Variants in SHQ1 observed in about 807,000 individuals in gnomAD.
SHQ1 encodes protein SHQ1 homolog.
In SHQ1, 49 loss-of-function variants were observed where a neutral mutation model predicts 53.8. The ratio of observed to expected loss-of-function variants is 0.91; its 90% confidence interval spans 0.72 to 1.16. The LOEUF (loss-of-function observed/expected upper bound fraction) is 1.16. Ranked by LOEUF, SHQ1 falls within the 50% of genes most tolerant of loss-of-function variation. The pLI is 0.00. For missense variants in SHQ1, 738 were observed against 683.1 expected (o/e 1.08, Z -0.90); for synonymous variants, 243 against 251.0 (o/e 0.97, Z 0.30).
downstream of SHQ1, among the ~76,000 whole-genome samples, chr3:72,749,095 C>A (rs1291900577): frequency 6.6e-6 from 1 of 152,158 alleles, no homozygotes; most frequent in Non-Finnish European, 1.5e-5. Context: ...CAATAACCAT[C>A]ATGTGGAAGA....
chr3:72,812,660 T>G lies in SHQ1; in HGVS notation c.1060+11A>C. 6.2e-7 allele frequency: 1 copy of G among 1,613,124 alleles called. No individual in the cohort carries two copies. On this transcript the variant is annotated intron_variant, in intron 9 of 10. Transcript: ENST00000325599. Reference sequence around the variant, plus strand: ...TTCCCTCCCAAATTTGCAAGTACAGTAATATCTTACCCAGTTGCAATATCT... The same window carrying G: ...TTCCCTCCCAAATTTGCAAGTACAGGAATATCTTACCCAGTTGCAATATCT...
chr3:72,796,928 T>TAAA lies in SHQ1; in HGVS notation c.1061-3895_1061-3893dup, dbSNP rs60237295. Among the ~76,000 whole-genome samples, 398 of 119,842 alleles carry TAAA rather than the reference T, an allele frequency of 3.3e-3. 1 individual carries two copies. The highest frequency in any genetic ancestry group is 8.6e-3 in the African/African-American group (279 of 32,538). The allele number at this position is 119,842 out of a possible 152,430, so 78.6% of individuals were successfully genotyped here. On this transcript the variant is annotated intron_variant, in intron 9 of 10. Transcript: ENST00000325599. ...TTGCATGTTCTGATCCCTATTTTCT[T>TAAA]AAAAAAAAAAAAAAAAAAAAAGACT... is the stretch of plus-strand genomic sequence containing the variant.
intron 10 of SHQ1, among the ~76,000 whole-genome samples, chr3:72,764,575 T>C (rs1188052150): frequency 1.3e-5 from 2 of 152,242 alleles, no homozygotes; most frequent in Non-Finnish European, 2.9e-5. Context: ...AAAATACTTT[T>C]AATAAAGGCA....
intron 5 of SHQ1, among the ~76,000 whole-genome samples, chr3:72,829,038 T>G (rs1707752280): frequency 6.8e-6 from 1 of 147,020 alleles, no homozygotes; most frequent in Non-Finnish European, 1.5e-5. Flanking sequence ...CAGAAACTGA[T>G]GAAGTGAAAA....
At chr3:72,781,779 A>G (rs534237391) in intron 10 of SHQ1, among the ~76,000 whole-genome samples, 79 of 152,240 alleles carry the variant, frequency 5.2e-4, no homozygotes, top group African/African-American at 1.5e-3. Context: ...CAAATATCAC[A>G]TCACTAAAAA....
At chr3:72,825,326 G>A (rs1481690403) in intron 5 of SHQ1, among the ~76,000 whole-genome samples, 1 of 149,038 alleles carries the variant, frequency 6.7e-6, no homozygotes, top group Non-Finnish European at 1.5e-5. Flanking sequence ...AGGAAATTCA[G>A]GATACTGCAT....
intron 10 of SHQ1, among the ~76,000 whole-genome samples, chr3:72,792,525 C>T (rs1444361716): frequency 6.6e-6 from 1 of 152,144 alleles, no homozygotes; most frequent in Non-Finnish European, 1.5e-5. Context: ...GTGGCTCACA[C>T]CTGTAATCCC....
intron 10 of SHQ1, among the ~76,000 whole-genome samples, chr3:72,777,622 G>T (rs1178852982): frequency 6.6e-6 from 1 of 152,172 alleles, no homozygotes; most frequent in Non-Finnish European, 1.5e-5. Context: ...AACTGGTATG[G>T]CCACTTTGGA....
At chr3:72,792,297 C>G (rs1307618703) in intron 10 of SHQ1, among the ~76,000 whole-genome samples, 1 of 152,218 alleles carries the variant, frequency 6.6e-6, no homozygotes, top group Non-Finnish European at 1.5e-5. Context: ...TCATACTGGA[C>G]AGTCAATAGC....
intron 10 of SHQ1, among the ~76,000 whole-genome samples, chr3:72,779,964 G>A (rs1706038342): frequency 6.6e-6 from 1 of 152,218 alleles, no homozygotes. Flanking sequence ...GCCAGGCGAG[G>A]TGGCTCATGC....
intron 9 of SHQ1, among the ~76,000 whole-genome samples, chr3:72,800,063 G>A (rs1033945062): frequency 4.9e-4 from 74 of 152,036 alleles, no homozygotes; most frequent in African/African-American, 1.8e-3. Context: ...TGGAAGATGG[G>A]GCCTAATGAG....
chr3:72,749,494 T>G lies in SHQ1; in HGVS notation c.*790A>C, dbSNP rs1705318996. On this transcript the variant is annotated 3_prime_UTR_variant, in exon 11 of 11. Coordinates refer to ENST00000325599, the MANE Select transcript of SHQ1 (RefSeq NM_018130.3). The stretch of plus-strand genomic sequence containing the variant: ...TGCCTGACCAAAAAAGGGATACATA[T>G]TGTATGATTCAATTTACATAGAATT... 1 of 217,292 alleles carries G rather than the reference T, an allele frequency of 4.6e-6. No homozygotes were observed. The highest frequency in any genetic ancestry group is 9.3e-6 in the Non-Finnish European group (1 of 108,070). The allele number at this position is 217,292 out of a possible 1,614,324, so 13.5% of individuals were successfully genotyped here.
At chr3:72,764,100 G>C (rs915731169) in intron 10 of SHQ1, among the ~76,000 whole-genome samples, 5 of 151,894 alleles carry the variant, frequency 3.3e-5, no homozygotes, top group Non-Finnish European at 5.9e-5. Flanking sequence ...AGATTAGTTT[G>C]TTTCTAATTC....
At chr3:72,739,349 C>T in the SHQ1 span, among the ~76,000 whole-genome samples, 1,881 of 152,122 alleles carry the variant, frequency 0.012, 12 homozygotes, top group Non-Finnish European at 0.02. Flanking sequence ...TCAAGGAAAT[C>T]CGACTGGAGG....
chr3:72,804,232 A>G (rs1234040686), intron 9 of SHQ1, among the ~76,000 whole-genome samples: 1 of 152,154 alleles, frequency 6.6e-6, no homozygotes, highest in African/African-American at 2.4e-5. Context: ...CCATTAAGGT[A>G]TGTTTTTAAG....
At chr3:72,765,557 AT>A (rs61074795) in intron 10 of SHQ1, among the ~76,000 whole-genome samples, 738 of 57,132 alleles carry the variant, frequency 0.013, 9 homozygotes, top group East Asian at 0.071. Flanking sequence ...ATATATATAT[AT>A]TTTTTTTTTT....
rs41291199 is a variant in SHQ1 at position 72,817,398 on chromosome 3, C to A, written c.728-14G>T. The A allele has an allele frequency of 1.9e-6, 3 of 1,591,818 alleles. No homozygotes were observed. Among genetic ancestry groups the A allele is most frequent in the Non-Finnish European group, 1.7e-6 (2 of 1,167,240 alleles). On this transcript the variant is annotated splice_polypyrimidine_tract_variant and intron_variant, in intron 6 of 10. Coordinates refer to ENST00000325599, the MANE Select transcript of SHQ1 (RefSeq NM_018130.3). ...CAGAAAAAGACACTAGAAGAAAACG[C>A]ATTTAAAAACTAGATGTTTCATTCA...
At chr3:72,740,974 T>C in the SHQ1 span, among the ~76,000 whole-genome samples, 1 of 152,206 alleles carries the variant, frequency 6.6e-6, no homozygotes, top group Non-Finnish European at 1.5e-5. Context: ...GGCCTTATCC[T>C]CTCTTCATTT....
intron 10 of SHQ1, among the ~76,000 whole-genome samples, chr3:72,755,731 A>G (rs1449465233): frequency 6.6e-6 from 1 of 152,232 alleles, no homozygotes; most frequent in East Asian, 1.9e-4. Flanking sequence ...ACTCCTTGTC[A>G]ATTACACAAT....
Sources: gnomAD v4.1 joint callset for allele counts (sites outside exome capture counted in the v4.1 genomes callset) on GRCh38, gnomAD v4.1.1 for gene constraint, MANE v1.5 for transcripts, NCBI Gene and HGNC (gene_info 2026-07-23, HGNC 2026-07-21) for gene names.